Variants in MYCBP2 observed in about 807,000 individuals in gnomAD.
MYCBP2 encodes the protein E3 ubiquitin-protein ligase MYCBP2.
In MYCBP2, 120 loss-of-function variants were observed where a neutral mutation model predicts 525.3. The observed-to-expected ratio is 0.23, with a 90% CI of 0.20 to 0.27. MYCBP2 has a LOEUF of 0.27. MYCBP2 is among the 10% of genes least tolerant of loss of function. The pLI is 1.00. For missense variants in MYCBP2, 4,149 were observed against 5,657.1 expected, an observed-to-expected ratio of 0.73 and a Z score of 8.55; for synonymous variants, 1,894 against 1,955.8, an observed-to-expected ratio of 0.97 and a Z score of 0.83.
chr13:77,083,616 A>G (rs2043698488), intron 62 of MYCBP2, among the ~76,000 whole-genome samples: 1 of 152,260 alleles, frequency 6.6e-6, no homozygotes, highest in Middle Eastern at 3.4e-3. Flanking sequence ...ACTAACTCAT[A>G]CAGCATTTTT....
chr13:77,286,789 A>AATATATATAT (rs1197559343), intron 3 of MYCBP2, among the ~76,000 whole-genome samples: 1,552 of 42,186 alleles, frequency 0.037, 51 homozygotes, highest in East Asian at 0.042. Flanking sequence ...AAAAAAAAAA[A>AATATATATAT]ATATATATAT....
At chr13:77,136,720 T>C (rs576029165) in intron 52 of MYCBP2, among the ~76,000 whole-genome samples, 1 of 152,316 alleles carries the variant, frequency 6.6e-6, no homozygotes, top group East Asian at 1.9e-4. Flanking sequence ...CTTTTGATTC[T>C]GAACTGATCG....
At chr13:77,169,396 A>AC (rs1172305219) in intron 39 of MYCBP2, among the ~76,000 whole-genome samples, 2 of 133,556 alleles carry the variant, frequency 1.5e-5, no homozygotes, top group African/African-American at 5.6e-5. Context: ...ACTCCGTCTC[A>AC]AAAAAAAAAA....
At chr13:77,313,858 A>T (rs1337154011) in intron 1 of MYCBP2, among the ~76,000 whole-genome samples, 2 of 152,080 alleles carry the variant, frequency 1.3e-5, no homozygotes, top group Non-Finnish European at 2.9e-5. Flanking sequence ...ACCTTAACAG[A>T]CACCTCACCG....
At chr13:77,257,592 C>T (rs979312986) in intron 14 of MYCBP2, 79 bp downstream of exon 14, 72 of 1,355,256 alleles carry the variant, frequency 5.3e-5, no homozygotes, top group Non-Finnish European at 6.1e-5. Flanking sequence ...TTGAAAAGAA[C>T]AAGACTTTTC....
At chr13:77,190,625 TAAG>T in intron 28 of MYCBP2, among the ~76,000 whole-genome samples, 1 of 152,266 alleles carries the variant, frequency 6.6e-6, no homozygotes, top group South Asian at 2.1e-4. Context: ...TACTTACAAC[TAAG>T]TAGTATAATA....
intron 3 of MYCBP2, among the ~76,000 whole-genome samples, chr13:77,280,778 G>A (rs1329187759): frequency 1.3e-5 from 2 of 152,092 alleles, no homozygotes; most frequent in East Asian, 3.9e-4. Flanking sequence ...TAGTGAGACT[G>A]GCCCATAAAA....
In MYCBP2 at chr13:77,243,052, A is replaced by G. The variant is rs766358433; in HGVS notation, c.2629+7T>C. ...TCATGTACTTTTTCTCTGTAGCTAC[A>G]TCTTACCTCTTCCTTCCTCTAATCT... On this transcript the variant is annotated splice_region_variant and intron_variant, in intron 17 of 82. Transcript: ENST00000544440. The G allele has an allele frequency of 1.9e-6, 3 of 1,613,136 alleles. No individual in the cohort carries two copies. The highest frequency in any genetic ancestry group is 1.1e-5 in the South Asian group (1 of 91,058).
Position 77,150,839 on chromosome 13 carries a change from A to G in MYCBP2, c.7026T>C (p.Ser2342=). ...PGSPAVTAAS[S]NTDMTYGGLA... is the part of the protein sequence containing the mutation. ...GCCCTCCATAAGTCATGTCAGTATT[A>G]GAAGATGCAGCTGTTACTGCAGGAC... Residue 2342 remains serine, a synonymous_variant, in exon 47 of 83, where the codon TCT becomes TCC. Transcript: ENST00000544440. The G allele has an allele frequency of 3.7e-6, 6 of 1,614,148 alleles. No homozygotes were observed. Among genetic ancestry groups the G allele is most frequent in the Non-Finnish European group, 5.1e-6 (6 of 1,179,998 alleles).
chr13:77,101,534 A>C (rs2047063497), intron 55 of MYCBP2, among the ~76,000 whole-genome samples: 1 of 152,070 alleles, frequency 6.6e-6, no homozygotes, highest in Non-Finnish European at 1.5e-5. Flanking sequence ...ATATGTGAGC[A>C]AAAAAGTTTA....
At chr13:77,235,608 A>G (rs915226523) in intron 17 of MYCBP2, among the ~76,000 whole-genome samples, 2 of 152,142 alleles carry the variant, frequency 1.3e-5, no homozygotes, top group South Asian at 2.1e-4. Flanking sequence ...GTCAACAAAA[A>G]TATACTACAA....
chr13:77,130,706 G>A (rs942028652), intron 52 of MYCBP2, among the ~76,000 whole-genome samples: 10 of 152,162 alleles, frequency 6.6e-5, no homozygotes, highest in Admixed American at 5.2e-4. Flanking sequence ...ATAAGAATTT[G>A]TAGAGTACTT....
At position 77,168,506 on chromosome 13, in the gene MYCBP2, A is replaced by C; in HGVS notation, c.6036T>G (p.Ser2012=). Residue 2012 remains serine (S), a synonymous_variant, in exon 40 of 83, where the codon TCT becomes TCG. Coordinates refer to ENST00000544440, the MANE Select transcript of MYCBP2 (RefSeq NM_015057.5). The part of the protein sequence containing the change: ...TTGNQPEQGL[S]ACTTSSHYAV... ...CATAGTGACTGGAGGTTGTACAAGC[A>C]GAGAGGCCCTGTTCAGGCTGGTTTC... is the stretch of plus-strand genomic sequence containing the variant. 1.2e-6 allele frequency: 2 copies of C among 1,614,104 alleles called. No individual in the cohort carries two copies. The highest frequency in any genetic ancestry group is 2.2e-5 in the South Asian group (2 of 91,072).
intron 2 of MYCBP2, among the ~76,000 whole-genome samples, chr13:77,291,578 C>T (rs2077477302): frequency 6.6e-6 from 1 of 152,164 alleles, no homozygotes; most frequent in Non-Finnish European, 1.5e-5. Context: ...CGAGACCAGC[C>T]TCCACATGGA....
intron 43 of MYCBP2, among the ~76,000 whole-genome samples, chr13:77,163,878 GT>G (rs1345609152): frequency 2.6e-5 from 4 of 152,098 alleles, no homozygotes; most frequent in African/African-American, 7.2e-5. Context: ...CCCTCTCCTG[GT>G]TTCTCTCCTC....
intron 63 of MYCBP2, chr13:77,082,261 A>G (rs2043430953): frequency 3.2e-6 from 1 of 316,138 alleles, no homozygotes; most frequent in Middle Eastern, 1.0e-3. Context: ...AGGCTACAGA[A>G]GCAAAAAGGG....
chr13:77,267,825 A>T lies in MYCBP2; in HGVS notation c.1357+16T>A. Reference sequence around the variant, plus strand: ...TAAAATTGCTTGTGGAGAAAAAATGACTACTTGAAACATACCTGGTAACAT... The same window carrying T: ...TAAAATTGCTTGTGGAGAAAAAATGTCTACTTGAAACATACCTGGTAACAT... On this transcript the variant is annotated intron_variant, in intron 8 of 82. Transcript: ENST00000544440. 1 of 1,589,756 alleles carries T rather than the reference A, an allele frequency of 6.3e-7. No homozygotes were observed. The highest frequency in any genetic ancestry group is 8.6e-7 in the Non-Finnish European group (1 of 1,158,644).
intron 21 of MYCBP2, among the ~76,000 whole-genome samples, chr13:77,214,276 A>G (rs982891948): frequency 3.9e-5 from 6 of 152,260 alleles, no homozygotes; most frequent in African/African-American, 1.4e-4. Flanking sequence ...AAAACTACAT[A>G]GGCATTAACC....
chr13:77,300,451 T>C (rs1455232872), intron 1 of MYCBP2, among the ~76,000 whole-genome samples: 1 of 152,242 alleles, frequency 6.6e-6, no homozygotes, highest in Non-Finnish European at 1.5e-5. Context: ...AAACATTCTC[T>C]TCCTTTTTTA....
Sources: allele counts gnomAD v4.1 joint callset (sites outside exome capture counted in the v4.1 genomes callset), GRCh38; gene constraint gnomAD v4.1.1; transcripts MANE v1.5; gene names NCBI Gene and HGNC (gene_info 2026-07-23, HGNC 2026-07-21).